The following CDH13 variants were observed in gnomAD, a reference collection of about 807,000 sequenced individuals.
The protein encoded by CDH13 is cadherin-13.
CDH13 carries 24 observed loss-of-function variants against 63.8 expected under a neutral mutation model. The ratio of observed to expected loss-of-function variants is 0.38; its 90% CI spans 0.27 to 0.53. The LOEUF is 0.53. Among genes scored for constraint, CDH13 ranks in the 20% least tolerant of loss-of-function variants. CDH13 has a pLI of 0.85. For synonymous variants in CDH13, 503 were observed against 355.3 expected (o/e 1.42, Z -4.67); for missense variants, 1,049 against 903.1 (o/e 1.16, Z -2.07).
chr16:82,980,736 C>G (rs925882485), intron 2 of CDH13, among the ~76,000 whole-genome samples: 1 of 152,172 alleles, frequency 6.6e-6, no homozygotes, highest in African/African-American at 2.4e-5. Flanking sequence ...GAACTGTATC[C>G]TTTTGGGGTT....
At chr16:82,842,634 C>T (rs961318246) in intron 1 of CDH13, among the ~76,000 whole-genome samples, 3 of 152,028 alleles carry the variant, frequency 2.0e-5, no homozygotes, top group African/African-American at 7.3e-5. Context: ...GACAATTTTC[C>T]CATGTACCAG....
chr16:83,073,359 G>C (rs1016434679), intron 3 of CDH13, among the ~76,000 whole-genome samples: 7 of 109,804 alleles, frequency 6.4e-5, no homozygotes, highest in South Asian at 2.3e-4. Context: ...GTGTGTGAGA[G>C]AGAGAGAGAG....
At chr16:82,930,218 T>C (rs9923309) in intron 2 of CDH13, among the ~76,000 whole-genome samples, 51,123 of 151,646 alleles carry the variant, frequency 0.34, 9,293 homozygotes, top group Non-Finnish European at 0.4. Context: ...CTTAAGAGAT[T>C]CACCTGCCTC....
chr16:82,950,277 T>A (rs1332722395), intron 2 of CDH13, among the ~76,000 whole-genome samples: 1 of 152,086 alleles, frequency 6.6e-6, no homozygotes, highest in Admixed American at 6.6e-5. Context: ...AACCTTCCCT[T>A]TGCATGCCAG....
chr16:83,713,901 G>T (rs150583065), intron 10 of CDH13, among the ~76,000 whole-genome samples: 21 of 152,144 alleles, frequency 1.4e-4, no homozygotes, highest in Non-Finnish European at 2.8e-4. Flanking sequence ...AGAGGCTTTG[G>T]TCAGGTTTCA....
rs532063307 is a variant in CDH13 at position 83,610,959 on chromosome 16, C to T, written c.1101+8365C>T. 1.4e-3 allele frequency among the ~76,000 whole-genome samples: 218 copies of T among 152,198 alleles called. 1 individual carries two copies. Among genetic ancestry groups the T allele is most frequent in the African/African-American group, 5.1e-3 (211 of 41,538 alleles). On this transcript the variant is annotated intron_variant, in intron 8 of 13. Coordinates refer to ENST00000567109, the MANE Select transcript of CDH13 (RefSeq NM_001257.5). ...TATTTTCCCCAACATTTGGTTTTAT[C>T]AGTTTTTTGGTTTGTTATTATTTTT...
chr16:83,255,947 A>G (rs1251178346), intron 5 of CDH13, among the ~76,000 whole-genome samples: 2 of 152,178 alleles, frequency 1.3e-5, no homozygotes, highest in Non-Finnish European at 2.9e-5. Flanking sequence ...CAGCTTGATT[A>G]TGGTCAAATC....
chr16:83,432,324 C>G (rs2072144964), intron 6 of CDH13, among the ~76,000 whole-genome samples: 2 of 152,162 alleles, frequency 1.3e-5, no homozygotes, highest in African/African-American at 4.8e-5. Flanking sequence ...GTGCCAGGCA[C>G]AGAACTCATA....
intron 5 of CDH13, among the ~76,000 whole-genome samples, chr16:83,230,254 G>A (rs1208497467): frequency 1.3e-5 from 2 of 152,146 alleles, no homozygotes; most frequent in African/African-American, 2.4e-5. Context: ...CCTGTGATGT[G>A]AGGCTCTGGT....
intron 1 of CDH13, among the ~76,000 whole-genome samples, chr16:82,662,360 C>T (rs1450481109): frequency 6.6e-6 from 1 of 152,184 alleles, no homozygotes; most frequent in Non-Finnish European, 1.5e-5. Flanking sequence ...ATTTTCTTCA[C>T]ATGTGTATTG....
Position 83,135,631 on chromosome 16 carries a change from C to G in CDH13, c.483+10130C>G, listed in dbSNP as rs182674848. Among the ~76,000 whole-genome samples the G allele has an allele frequency of 5.8e-3, 879 of 152,284 alleles. 4 individuals carry two copies. The highest frequency in any genetic ancestry group is 0.02 in the African/African-American group (834 of 41,554). ...AACAGTGTGGAGATTCCTGAAAGAACTAAAACTAGAACTACCATTTGATCC... is the reference window on the plus strand; with the variant it reads ...AACAGTGTGGAGATTCCTGAAAGAAGTAAAACTAGAACTACCATTTGATCC... On this transcript the variant is annotated intron_variant, in intron 4 of 13. Coordinates refer to ENST00000567109, the MANE Select transcript of CDH13 (RefSeq NM_001257.5).
At chr16:82,839,773 G>A (rs2038930999) in intron 1 of CDH13, among the ~76,000 whole-genome samples, 1 of 152,206 alleles carries the variant, frequency 6.6e-6, no homozygotes, top group African/African-American at 2.4e-5. Context: ...CTACTGTAGA[G>A]GCTCTTCACA....
intron 6 of CDH13, among the ~76,000 whole-genome samples, chr16:83,353,500 C>T (rs915520080): frequency 1.3e-5 from 2 of 152,240 alleles, no homozygotes; most frequent in Admixed American, 1.3e-4. Context: ...AATGCCTGAA[C>T]CCCTTTATTC....
chr16:83,221,951 T>G (rs1366868363), intron 5 of CDH13, among the ~76,000 whole-genome samples: 1 of 152,212 alleles, frequency 6.6e-6, no homozygotes, highest in Non-Finnish European at 1.5e-5. Context: ...CACTGATGAA[T>G]TAGATGAGGG....
chr16:83,141,966 C>G (rs1191460615), intron 4 of CDH13, among the ~76,000 whole-genome samples: 1 of 152,074 alleles, frequency 6.6e-6, no homozygotes, highest in Non-Finnish European at 1.5e-5. Context: ...CAGGACCCAC[C>G]CAGTCTTTGA....
At chr16:82,967,316 C>G (rs536701509) in intron 2 of CDH13, among the ~76,000 whole-genome samples, 7 of 152,232 alleles carry the variant, frequency 4.6e-5, no homozygotes, top group African/African-American at 1.7e-4. Flanking sequence ...TCTGCCCTCC[C>G]TTTATAGCTC....
intron 1 of CDH13, among the ~76,000 whole-genome samples, chr16:82,711,421 A>G (rs1179652974): frequency 6.6e-6 from 1 of 152,188 alleles, no homozygotes; most frequent in Non-Finnish European, 1.5e-5. Context: ...TGCAAGAGGA[A>G]CACAGTGAAG....
At chr16:83,216,397 A>AAT (rs1158270310) in intron 4 of CDH13, among the ~76,000 whole-genome samples, 90 of 16,082 alleles carry the variant, frequency 5.6e-3, no homozygotes, top group African/African-American at 0.012. Context: ...CCAGCATTGA[A>AAT]ATATATATAT....
chr16:82,757,887 G>C (rs1182885685), intron 1 of CDH13, among the ~76,000 whole-genome samples: 1 of 152,082 alleles, frequency 6.6e-6, no homozygotes, highest in Non-Finnish European at 1.5e-5. Flanking sequence ...TTGACCTCGT[G>C]ATCCGCCCGC....
Sources: gnomAD v4.1 joint callset for allele counts (sites outside exome capture counted in the v4.1 genomes callset) on GRCh38, gnomAD v4.1.1 for gene constraint, MANE v1.5 for transcripts, NCBI Gene and HGNC (gene_info 2026-07-23, HGNC 2026-07-21) for gene names.